The following RIMS2 variants were observed in gnomAD, a reference collection of about 807,000 sequenced individuals.
RIMS2 encodes the protein regulating synaptic membrane exocytosis 2, also known as regulating synaptic membrane exocytosis protein 2.
Under a neutral mutation model 174.4 loss-of-function variants are expected in RIMS2, and 59 were observed. That is an observed-to-expected ratio of 0.34 (90% CI 0.27 to 0.42). The LOEUF (loss-of-function observed/expected upper bound fraction) is 0.42. Among genes scored for constraint, RIMS2 ranks in the 10% least tolerant of loss-of-function variants. The probability of loss-of-function intolerance (pLI) is 1.00; values close to 1 mark genes in which losing one functional copy is unlikely to be tolerated. For missense variants in RIMS2, 1,620 were observed against 1,666.3 expected, an observed-to-expected ratio of 0.97 and a Z score of 0.48; for synonymous variants, 606 against 572.5, an observed-to-expected ratio of 1.06 and a Z score of -0.84.
At chr8:103,732,740 C>A (rs2097621180) in intron 2 of RIMS2, among the ~76,000 whole-genome samples, 1 of 152,184 alleles carries the variant, frequency 6.6e-6, no homozygotes, top group Non-Finnish European at 1.5e-5. Context: ...CCTATGGCCT[C>A]TACTACTTGG....
At chr8:103,532,061 T>G (rs1837440088) in intron 1 of RIMS2, among the ~76,000 whole-genome samples, 1 of 152,222 alleles carries the variant, frequency 6.6e-6, no homozygotes, top group Admixed American at 6.5e-5. Flanking sequence ...CTTCTAATTC[T>G]CCCTGATTAA....
intron 1 of RIMS2, among the ~76,000 whole-genome samples, chr8:103,677,024 T>C (rs1237873331): frequency 1.3e-5 from 2 of 152,162 alleles, no homozygotes; most frequent in African/African-American, 4.8e-5. Context: ...GTGTCATTCA[T>C]TTGGAATGTT....
chr8:103,989,159 T>C (rs2094538319), intron 16 of RIMS2, 146 bp from the exon 19 acceptor site: 2 of 603,034 alleles, frequency 3.3e-6, no homozygotes, highest in Non-Finnish European at 6.0e-6. Context: ...AACTTATACC[T>C]TTAGTTAGAG....
chr8:103,560,796 C>A (rs907965249), intron 1 of RIMS2, among the ~76,000 whole-genome samples: 6 of 151,990 alleles, frequency 3.9e-5, no homozygotes, highest in African/African-American at 1.4e-4. Flanking sequence ...AAAATGAAAC[C>A]CCAGATACCA....
At chr8:103,930,312 A>G (rs749445786) in intron 11 of RIMS2, among the ~76,000 whole-genome samples, 13 of 152,084 alleles carry the variant, frequency 8.5e-5, no homozygotes, top group Non-Finnish European at 1.9e-4. Flanking sequence ...TGGAATTGGA[A>G]CTGAACTGCC....
intron 1 of RIMS2, among the ~76,000 whole-genome samples, chr8:103,626,471 A>G (rs1247032318): frequency 1.3e-5 from 2 of 152,236 alleles, no homozygotes; most frequent in Non-Finnish European, 2.9e-5. Flanking sequence ...ACAGCAAACA[A>G]TTATTACAAT....
chr8:103,928,998 A>G (rs543041555), intron 11 of RIMS2, among the ~76,000 whole-genome samples: 118 of 151,742 alleles, frequency 7.8e-4, no homozygotes, highest in African/African-American at 2.6e-3. Context: ...TCTATAAAAA[A>G]CTTCAATGCA....
chr8:104,149,408 A>C (rs1347448050), intron 19 of RIMS2, among the ~76,000 whole-genome samples: 1 of 152,196 alleles, frequency 6.6e-6, no homozygotes, highest in Non-Finnish European at 1.5e-5. Flanking sequence ...GGATGGAGGA[A>C]TTTTCTGCTG....
At chr8:103,699,485 T>G (rs1202066438) in intron 2 of RIMS2, among the ~76,000 whole-genome samples, 4 of 152,250 alleles carry the variant, frequency 2.6e-5, no homozygotes, top group Non-Finnish European at 5.9e-5. Flanking sequence ...CCACCTTGGC[T>G]TCCCAAAGTG....
intron 3 of RIMS2, among the ~76,000 whole-genome samples, chr8:103,789,221 T>C (rs925526257): frequency 2.6e-5 from 4 of 152,008 alleles, no homozygotes; most frequent in Admixed American, 1.3e-4. Context: ...AATGCAGAAA[T>C]CACCGTCTTT....
At chr8:104,053,205 C>T in intron 19 of RIMS2, among the ~76,000 whole-genome samples, 1 of 152,210 alleles carries the variant, frequency 6.6e-6, no homozygotes, top group East Asian at 1.9e-4. Flanking sequence ...AATGAACCAC[C>T]AGTAAACCAC....
intron 5 of RIMS2, among the ~76,000 whole-genome samples, chr8:103,911,681 A>C (rs1342101505): frequency 6.6e-6 from 1 of 152,230 alleles, no homozygotes; most frequent in Non-Finnish European, 1.5e-5. Context: ...TCACTTGCGT[A>C]GAATTTCAAT....
intron 1 of RIMS2, among the ~76,000 whole-genome samples, chr8:103,596,731 T>C (rs998872019): frequency 6.6e-6 from 1 of 151,946 alleles, no homozygotes; most frequent in Non-Finnish European, 1.5e-5. Context: ...CAATTTGACC[T>C]GAAATTTAAC....
chr8:103,925,032 T>G (rs1260695056), intron 10 of RIMS2, among the ~76,000 whole-genome samples: 1 of 151,612 alleles, frequency 6.6e-6, no homozygotes, highest in Non-Finnish European at 1.5e-5. Flanking sequence ...ATTTAGCAGT[T>G]TTTTCCTTCT....
intron 19 of RIMS2, among the ~76,000 whole-genome samples, chr8:104,098,942 T>C (rs949321151): frequency 6.6e-6 from 1 of 152,218 alleles, no homozygotes; most frequent in African/African-American, 2.4e-5. Context: ...AATACCAGCA[T>C]TGTCATCCTG....
chr8:104,029,507 A>G (rs542324109), intron 19 of RIMS2, among the ~76,000 whole-genome samples: 2 of 152,180 alleles, frequency 1.3e-5, no homozygotes, highest in South Asian at 4.1e-4. Flanking sequence ...GATAGCTTTG[A>G]TCTAGTTCTT....
At chr8:103,682,715 A>G (rs923914016) in intron 1 of RIMS2, among the ~76,000 whole-genome samples, 2 of 152,148 alleles carry the variant, frequency 1.3e-5, no homozygotes, top group African/African-American at 4.8e-5. Context: ...AATAAATAAA[A>G]TTTTTTAAAA....
chr8:103,892,413 A>C (rs764877687), intron 4 of RIMS2, among the ~76,000 whole-genome samples: 24 of 151,578 alleles, frequency 1.6e-4, no homozygotes, highest in Admixed American at 1.2e-3. Context: ...TATGTTGCGC[A>C]GGCTGGTCTT....
At chr8:103,543,326 C>A (rs140346695) in intron 1 of RIMS2, among the ~76,000 whole-genome samples, 1 of 151,776 alleles carries the variant, frequency 6.6e-6, no homozygotes, top group South Asian at 2.1e-4. Context: ...GATAAGTACA[C>A]GGAAAAGTAT....
Sources: allele counts gnomAD v4.1 joint callset (sites outside exome capture counted in the v4.1 genomes callset), GRCh38; gene constraint gnomAD v4.1.1; transcripts MANE v1.5; gene names NCBI Gene and HGNC (gene_info 2026-07-23, HGNC 2026-07-21).